Variants in EXOC6B observed in about 807,000 individuals in gnomAD.
EXOC6B encodes exocyst complex component 6B.
In EXOC6B, 54 loss-of-function variants were observed where a neutral mutation model predicts 113.5. The observed-to-expected ratio is 0.48, with a 90% CI of 0.38 to 0.60. The LOEUF is 0.60. Ranked by LOEUF, EXOC6B falls within the 20% of genes least tolerant of loss-of-function variation. The probability of loss-of-function intolerance (pLI) is 0.00; values close to 1 mark genes in which losing one functional copy is unlikely to be tolerated. For missense variants in EXOC6B, 797 were observed against 977.5 expected (o/e 0.82, Z 2.46); for synonymous variants, 357 against 339.0 (o/e 1.05, Z -0.58).
At chr2:72,646,959 G>A (rs1353007521) in intron 6 of EXOC6B, among the ~76,000 whole-genome samples, 1 of 152,132 alleles carries the variant, frequency 6.6e-6, no homozygotes, top group East Asian at 1.9e-4. Context: ...AGGGCATTCA[G>A]GCAAGAGAAA....
intron 6 of EXOC6B, among the ~76,000 whole-genome samples, chr2:72,599,666 A>T (rs1033013080): frequency 3.9e-5 from 6 of 152,156 alleles, no homozygotes; most frequent in African/African-American, 1.2e-4. Context: ...AGGGGAAAAA[A>T]AAAAGCCCTC....
At chr2:72,493,395 G>A (rs1333375718) in intron 15 of EXOC6B, among the ~76,000 whole-genome samples, 1 of 138,264 alleles carries the variant, frequency 7.2e-6, no homozygotes, top group Admixed American at 7.4e-5. Context: ...AGAAACAGAA[G>A]TATTTTGCAG....
chr2:72,645,126 T>C (rs567900963), intron 6 of EXOC6B, among the ~76,000 whole-genome samples: 97 of 151,004 alleles, frequency 6.4e-4, no homozygotes, highest in Non-Finnish European at 1.1e-3. Flanking sequence ...GAAAAAAAAG[T>C]GGGGGTTGCA....
intron 20 of EXOC6B, among the ~76,000 whole-genome samples, chr2:72,303,871 T>C (rs1686680110): frequency 6.6e-6 from 1 of 152,194 alleles, no homozygotes. Context: ...AGGGGCAGGA[T>C]GGTTGTGCAG....
At chr2:72,209,583 C>T (rs1194161360) in intron 20 of EXOC6B, among the ~76,000 whole-genome samples, 1 of 152,084 alleles carries the variant, frequency 6.6e-6, no homozygotes, top group Non-Finnish European at 1.5e-5. Flanking sequence ...ATCTTAGCAC[C>T]CTCCTCTGCT....
At chr2:72,186,161 T>G (rs1178104690) in intron 20 of EXOC6B, among the ~76,000 whole-genome samples, 1 of 152,208 alleles carries the variant, frequency 6.6e-6, no homozygotes, top group Non-Finnish European at 1.5e-5. Context: ...GACATTTGGG[T>G]TGGTTCCAAG....
At chr2:72,580,394 C>T (rs541876970) in intron 6 of EXOC6B, among the ~76,000 whole-genome samples, 184 of 152,108 alleles carry the variant, frequency 1.2e-3, no homozygotes, top group African/African-American at 4.2e-3. Context: ...CCACCCAACT[C>T]GGCCTCCCAA....
At chr2:72,378,773 T>TA (rs35117082) in intron 19 of EXOC6B, among the ~76,000 whole-genome samples, 22,631 of 152,044 alleles carry the variant, frequency 0.15, 2,251 homozygotes, top group African/African-American at 0.28. Context: ...TTTCTTAGAA[T>TA]AAAAAAAATT....
chr2:72,274,787 A>C (rs534375722), intron 20 of EXOC6B, among the ~76,000 whole-genome samples: 1 of 152,306 alleles, frequency 6.6e-6, no homozygotes, highest in African/African-American at 2.4e-5. Context: ...AGAAGCATTC[A>C]TTCCAGCCAG....
At chr2:72,247,086 C>A (rs1174513864) in intron 20 of EXOC6B, among the ~76,000 whole-genome samples, 3 of 152,090 alleles carry the variant, frequency 2.0e-5, no homozygotes, top group African/African-American at 7.2e-5. Flanking sequence ...AAATCTGCTA[C>A]CTAGAAATGC....
chr2:72,429,026 C>G (rs1695374777), intron 18 of EXOC6B, among the ~76,000 whole-genome samples: 1 of 152,202 alleles, frequency 6.6e-6, no homozygotes, highest in Non-Finnish European at 1.5e-5. Context: ...TGTTAAACTT[C>G]AAGTGATGTA....
intron 19 of EXOC6B, among the ~76,000 whole-genome samples, chr2:72,347,820 AT>A (rs1408640364): frequency 1.3e-5 from 2 of 152,148 alleles, no homozygotes; most frequent in Non-Finnish European, 1.5e-5. Flanking sequence ...GATGACATTG[AT>A]TATAACAAAC....
chr2:72,380,894 T>A lies in EXOC6B; in HGVS notation c.1981-1024A>T, dbSNP rs1187021700. On this transcript the variant is annotated intron_variant, in intron 18 of 21. Coordinates refer to ENST00000272427, the MANE Select transcript of EXOC6B (RefSeq NM_015189.3). Reference sequence around the variant, plus strand: ...TTATAATCTGTTTCAAAATACAGGATGATGTTTTAAAAACACTATGATCAA... The same window carrying A: ...TTATAATCTGTTTCAAAATACAGGAAGATGTTTTAAAAACACTATGATCAA... Among the ~76,000 whole-genome samples the A allele has an allele frequency of 2.6e-5, 4 of 152,320 alleles. No homozygotes were observed. In the East Asian group the frequency reaches 5.8e-4, roughly 22 times the overall value.
intron 20 of EXOC6B, among the ~76,000 whole-genome samples, chr2:72,184,480 C>T (rs1678295163): frequency 6.6e-6 from 1 of 152,114 alleles, no homozygotes; most frequent in South Asian, 2.1e-4. Context: ...GGGACTGAAT[C>T]AAATATGATA....
chr2:72,700,272 A>AC lies in EXOC6B; in HGVS notation c.669+17830_669+17831insG, dbSNP rs1558930125. Among the ~76,000 whole-genome samples the AC allele has an allele frequency of 5.7e-4, 87 of 151,784 alleles. 1 individual carries two copies. Among genetic ancestry groups the AC allele is most frequent in the African/African-American group, 2.0e-3 (82 of 41,328 alleles). On this transcript the variant is annotated intron_variant, in intron 6 of 21. Coordinates refer to ENST00000272427, the MANE Select transcript of EXOC6B (RefSeq NM_015189.3). ...CACACACACACACACACACACACAC[A>AC]AAGTTATCCGTGTCAACCACCAGAC...
At chr2:72,231,463 T>G (rs1279016094) in intron 20 of EXOC6B, among the ~76,000 whole-genome samples, 1 of 152,156 alleles carries the variant, frequency 6.6e-6, no homozygotes. Flanking sequence ...TTATTCTTTT[T>G]GAAGAGTAAA....
chr2:72,615,978 A>T (rs1159158743), intron 6 of EXOC6B, among the ~76,000 whole-genome samples: 2 of 152,166 alleles, frequency 1.3e-5, no homozygotes, highest in Non-Finnish European at 2.9e-5. Context: ...AAATTTTTCA[A>T]TGTAAACCAA....
rs893550135 is a variant in EXOC6B at position 72,231,967 on chromosome 2, C to CA, written c.2197-47781dup. 2.0e-5 allele frequency among the ~76,000 whole-genome samples: 3 copies of CA among 151,360 alleles called. 1 individual carries two copies. Among genetic ancestry groups the CA allele is most frequent in the Admixed American group, 1.3e-4 (2 of 15,188 alleles). ...CAGAAATCATCCTACCATAAAGATG[C>CA]AAAAAAAATTATATATAATTTTTTT... On this transcript the variant is annotated intron_variant, in intron 20 of 21. Transcript: ENST00000272427.
intron 1 of EXOC6B, among the ~76,000 whole-genome samples, chr2:72,805,603 A>C (rs148175880): frequency 6.6e-6 from 1 of 152,210 alleles, no homozygotes; most frequent in Non-Finnish European, 1.5e-5. Context: ...GGTAATTGGC[A>C]TATCTGTCAC....
Sources: allele counts gnomAD v4.1 joint callset (sites outside exome capture counted in the v4.1 genomes callset), GRCh38; gene constraint gnomAD v4.1.1; transcripts MANE v1.5; gene names NCBI Gene and HGNC (gene_info 2026-07-23, HGNC 2026-07-21).